ABLIM1: variants seen among roughly 807,000 people sequenced by gnomAD.
The protein encoded by ABLIM1 is actin-binding LIM protein 1.
ABLIM1 carries 40 observed loss-of-function variants against 107.0 expected under a neutral mutation model. That is an observed-to-expected ratio of 0.37 (90% confidence interval 0.29 to 0.49). The LOEUF is 0.49. ABLIM1 is among the 20% of genes least tolerant of loss of function. ABLIM1 has a pLI of 0.97. For synonymous variants in ABLIM1, 357 were observed against 357.3 expected (o/e 1.00, Z 0.01); for missense variants, 857 against 1,008.5 (o/e 0.85, Z 2.04).
intron 1 of ABLIM1, among the ~76,000 whole-genome samples, chr10:114,602,994 C>T (rs1443912124): frequency 6.6e-6 from 1 of 152,162 alleles, no homozygotes; most frequent in Admixed American, 6.5e-5. Context: ...TGTTTGCTAC[C>T]AAATTCCTTT....
intron 6 of ABLIM1, among the ~76,000 whole-genome samples, chr10:114,524,373 G>T (rs911987892): frequency 6.6e-6 from 1 of 152,122 alleles, no homozygotes; most frequent in African/African-American, 2.4e-5. Context: ...TGACTTCATC[G>T]TTATCTGTAA....
chr10:114,634,677 T>C (rs553657144), intron 1 of ABLIM1, among the ~76,000 whole-genome samples: 1 of 152,068 alleles, frequency 6.6e-6, no homozygotes, highest in South Asian at 2.1e-4. Context: ...TCAGAGAGAT[T>C]TTCCCCCCGC....
At chr10:114,758,236 A>T (rs1424786550) in intron 1 of ABLIM1, among the ~76,000 whole-genome samples, 1 of 152,196 alleles carries the variant, frequency 6.6e-6, no homozygotes, top group African/African-American at 2.4e-5. Context: ...TAGACCACTT[A>T]GTAGGTGTTC....
chr10:114,708,444 A>T (rs1016531285), intron 1 of ABLIM1, among the ~76,000 whole-genome samples: 1 of 150,352 alleles, frequency 6.7e-6, no homozygotes, highest in Admixed American at 6.6e-5. Flanking sequence ...AGGGACAGGG[A>T]CCCTCCTTCC....
At chr10:114,715,424 G>T (rs959924559) in intron 1 of ABLIM1, among the ~76,000 whole-genome samples, 2 of 152,158 alleles carry the variant, frequency 1.3e-5, no homozygotes, top group African/African-American at 4.8e-5. Flanking sequence ...GGAATCTCCT[G>T]CTCTTTCCTT....
intron 1 of ABLIM1, among the ~76,000 whole-genome samples, chr10:114,767,408 T>A (rs1566320639): frequency 6.6e-6 from 1 of 152,210 alleles, no homozygotes. Flanking sequence ...TAGCAGCCAC[T>A]GAGCTATGAC....
At chr10:114,645,165 A>G (rs2078959361) in intron 1 of ABLIM1, among the ~76,000 whole-genome samples, 1 of 152,174 alleles carries the variant, frequency 6.6e-6, no homozygotes, top group Admixed American at 6.5e-5. Flanking sequence ...TCGCCTCTAC[A>G]AGTCAGATGT....
chr10:114,787,520 G>A, the ABLIM1 span, among the ~76,000 whole-genome samples: 66 of 147,152 alleles, frequency 4.5e-4, no homozygotes, highest in Non-Finnish European at 8.3e-4. Context: ...CGCCCTGTCC[G>A]GGAGGGAGGT....
intron 3 of ABLIM1, among the ~76,000 whole-genome samples, chr10:114,573,458 G>C (rs2072002400): frequency 2.0e-5 from 3 of 152,224 alleles, no homozygotes; most frequent in Admixed American, 2.0e-4. Flanking sequence ...AATGTCCAGG[G>C]ACAGGGCCAT....
intron 1 of ABLIM1, among the ~76,000 whole-genome samples, chr10:114,747,127 A>AT (rs1310328451): frequency 6.6e-6 from 1 of 152,172 alleles, no homozygotes; most frequent in Non-Finnish European, 1.5e-5. Flanking sequence ...AACAGACACC[A>AT]TTTTTTCACA....
chr10:114,439,970 C>T, intron 20 of ABLIM1, 112 bp downstream of exon 20: 3 of 1,559,932 alleles, frequency 1.9e-6, no homozygotes, highest in Non-Finnish European at 1.8e-6. Context: ...GAGAGATCAA[C>T]CACAACAAGC....
At chr10:114,587,849 G>C (rs1192180832) in intron 2 of ABLIM1, among the ~76,000 whole-genome samples, 1 of 152,064 alleles carries the variant, frequency 6.6e-6, no homozygotes, top group Non-Finnish European at 1.5e-5. Flanking sequence ...TGATTCACTG[G>C]CACCTGGCAT....
the ABLIM1 span, among the ~76,000 whole-genome samples, chr10:114,773,332 A>G: frequency 1.3e-5 from 2 of 152,238 alleles, no homozygotes; most frequent in Non-Finnish European, 2.9e-5. Flanking sequence ...GAAAGGACAT[A>G]GCCTAGGAAC....
rs1591128787 is a variant in ABLIM1, at chr10:114,551,143, T to C, written c.674-3367A>G. On this transcript the variant is annotated intron_variant, in intron 4 of 22. Coordinates refer to ENST00000533213, the MANE Select transcript of ABLIM1 (RefSeq NM_002313.7). ...ATCTGTAAAATGCGGACAACAGCCA[T>C]TGCCTAGGCTGCTATCAGGAAGAAA... 2.6e-5 allele frequency among the ~76,000 whole-genome samples: 4 copies of C among 152,216 alleles called. No homozygotes were observed. In the South Asian group the frequency reaches 8.3e-4, roughly 32 times the overall value.
chr10:114,599,618 A>G (rs571254792), intron 2 of ABLIM1, among the ~76,000 whole-genome samples: 1 of 151,776 alleles, frequency 6.6e-6, no homozygotes, highest in Non-Finnish European at 1.5e-5. Flanking sequence ...CTGAAAAAAA[A>G]CCACACACAC....
the ABLIM1 span, chr10:114,778,611 ACATAC>A: frequency 1.2e-4 from 17 of 136,860 alleles, no homozygotes; most frequent in African/African-American, 4.9e-4. Flanking sequence ...ACACACACAC[ACATAC>A]ATTTTAACAA....
chr10:114,654,437 G>T (rs1190928367), intron 1 of ABLIM1, among the ~76,000 whole-genome samples: 1 of 152,068 alleles, frequency 6.6e-6, no homozygotes, highest in Non-Finnish European at 1.5e-5. Flanking sequence ...CAAACACTTT[G>T]ATATGCACGT....
chr10:114,451,348 T>C (rs1457996707), intron 14 of ABLIM1, among the ~76,000 whole-genome samples: 1 of 152,254 alleles, frequency 6.6e-6, no homozygotes, highest in Non-Finnish European at 1.5e-5. Context: ...TGTGAGTTGC[T>C]GTGTGACCAG....
Position 114,656,227 on chromosome 10 carries a change from G to A in ABLIM1, c.244+1730C>T, listed in dbSNP as rs568663486. On this transcript the variant is annotated intron_variant, in intron 1 of 22. Coordinates refer to ENST00000533213, the MANE Select transcript of ABLIM1 (RefSeq NM_002313.7). ...AGAGGTTGCAGTGAGCCGAGATCAC[G>A]CCATTACACTCTAGCCTGGGCAACA... Among the ~76,000 whole-genome samples, 11 of 126,834 alleles carry A rather than the reference G, an allele frequency of 8.7e-5. 1 individual carries two copies. Among genetic ancestry groups the A allele is most frequent in the Admixed American group, 5.2e-4 (5 of 9,708 alleles). 83.2% of individuals were successfully genotyped at this position (126,834 alleles called of 152,430 possible).
Sources: allele counts gnomAD v4.1 joint callset (sites outside exome capture counted in the v4.1 genomes callset), GRCh38; gene constraint gnomAD v4.1.1; transcripts MANE v1.5; gene names NCBI Gene and HGNC (gene_info 2026-07-23, HGNC 2026-07-21).